CACNA1C: variants seen among roughly 807,000 people sequenced by gnomAD.
The protein encoded by CACNA1C is calcium voltage-gated channel subunit alpha1 C, also known as voltage-dependent L-type calcium channel subunit alpha-1C.
A neutral mutation model predicts 229.0 loss-of-function variants in CACNA1C; 30 were observed. That is an observed-to-expected ratio of 0.13 (90% CI 0.10 to 0.18). CACNA1C has a LOEUF of 0.18. Ranked by LOEUF, CACNA1C falls within the 10% of genes least tolerant of loss-of-function variation. The pLI is 1.00. For missense variants in CACNA1C, 1,658 were observed against 2,845.0 expected (o/e 0.58, Z 9.49); for synonymous variants, 1,114 against 1,132.5 (o/e 0.98, Z 0.33).
In CACNA1C at chr12:2,504,310, G is replaced by A; in HGVS notation, c.1114-532G>A. 1 of 651,000 alleles carries A rather than the reference G, an allele frequency of 1.5e-6. No individual in the cohort carries two copies. Among genetic ancestry groups the A allele is most frequent in the South Asian group, 1.9e-5 (1 of 53,480 alleles). 40.3% of individuals were successfully genotyped at this position (651,000 alleles called of 1,614,324 possible). A position where few individuals can be genotyped will look rare whatever the true frequency, so the allele number is the denominator to read the frequency against. ...TGCCCTGGGTAACACGGGTAACCTG[G>A]TGCACATGAACAAAGCCCACGTTCA... On this transcript the variant is annotated intron_variant, in intron 7 of 46. Transcript: ENST00000399655. The surrounding 1 kb of genome is among the most constrained non-coding windows in gnomAD (Gnocchi z 6.8).
intron 1 of CACNA1C, among the ~76,000 whole-genome samples, chr12:2,013,782 T>C (rs2044842410): frequency 6.6e-6 from 1 of 152,236 alleles, no homozygotes; most frequent in African/African-American, 2.4e-5. Flanking sequence ...GTTTTTCTTA[T>C]CTCTAATAAG....
intron 3 of CACNA1C, among the ~76,000 whole-genome samples, chr12:2,173,087 G>C (rs1303495640): frequency 3.3e-5 from 5 of 152,236 alleles, no homozygotes; most frequent in Admixed American, 3.3e-4. Context: ...TCTTACTTAA[G>C]AGTGACAAAG....
chr12:2,419,072 G>T (rs550497309), intron 3 of CACNA1C, among the ~76,000 whole-genome samples: 1 of 152,182 alleles, frequency 6.6e-6, no homozygotes, highest in African/African-American at 2.4e-5. Context: ...GAGGCCCTCC[G>T]GGGCATAACG....
intron 9 of CACNA1C, among the ~76,000 whole-genome samples, chr12:2,521,762 G>T (rs569032118): frequency 6.6e-6 from 1 of 151,942 alleles, no homozygotes; most frequent in Non-Finnish European, 1.5e-5. Context: ...ACCTCTCTCC[G>T]CCTGGACTCG....
rs948181695 is a variant in CACNA1C at position 2,095,646 on chromosome 12, G to T, written c.50-19578G>T. Among the ~76,000 whole-genome samples the T allele has an allele frequency of 1.1e-4, 16 of 152,148 alleles. 2 individuals are homozygous for T. The highest frequency in any genetic ancestry group is 7.9e-4 in the Admixed American group (12 of 15,280). On this transcript the variant is annotated intron_variant, in intron 1 of 46. Coordinates refer to ENST00000399655, the MANE Select transcript of CACNA1C (RefSeq NM_000719.7). ...ACCCTGGAGGAGAAGGGCTAGGCAG[G>T]GTCGGATACCACTGGCTCCAGAGAG...
intron 3 of CACNA1C, among the ~76,000 whole-genome samples, chr12:2,200,782 G>A (rs780957386): frequency 9.9e-5 from 15 of 152,150 alleles, no homozygotes; most frequent in Non-Finnish European, 2.1e-4. Context: ...CATATGAGCT[G>A]GGACCCCTCC....
At chr12:2,522,079 C>T (rs577691233) in intron 9 of CACNA1C, among the ~76,000 whole-genome samples, 6 of 152,326 alleles carry the variant, frequency 3.9e-5, no homozygotes, top group African/African-American at 1.4e-4. Flanking sequence ...CCTCTGCCTA[C>T]AGCACCTGTT....
At chr12:2,271,208 T>C (rs1163835034) in intron 3 of CACNA1C, among the ~76,000 whole-genome samples, 1 of 152,156 alleles carries the variant, frequency 6.6e-6, no homozygotes, top group African/African-American at 2.4e-5. Flanking sequence ...CCAGGGCCAA[T>C]TTGGGTGAAA....
At chr12:2,598,280 T>C (rs1173322416) in intron 21 of CACNA1C, among the ~76,000 whole-genome samples, 2 of 152,152 alleles carry the variant, frequency 1.3e-5, no homozygotes, top group African/African-American at 4.8e-5. Flanking sequence ...CCCAGCTCAG[T>C]TCTGCTAAGG....
intron 29 of CACNA1C, among the ~76,000 whole-genome samples, chr12:2,616,003 C>T (rs2153474229): frequency 6.6e-6 from 1 of 152,300 alleles, no homozygotes; most frequent in South Asian, 2.1e-4. Flanking sequence ...CACCTCTGCC[C>T]CTCAGCTGAA....
At chr12:2,343,927 G>A (rs1352716229) in intron 3 of CACNA1C, among the ~76,000 whole-genome samples, 1 of 152,166 alleles carries the variant, frequency 6.6e-6, no homozygotes, top group East Asian at 1.9e-4. Context: ...CTGCAACAAT[G>A]TTTCATCTCC....
At chr12:1,981,846 A>C (rs35619203) in intron 1 of CACNA1C, among the ~76,000 whole-genome samples, 18,829 of 152,242 alleles carry the variant, frequency 0.12, 1,438 homozygotes, top group Admixed American at 0.19. Context: ...GAGATTGGTC[A>C]GAATGAGGGA....
intron 5 of CACNA1C, among the ~76,000 whole-genome samples, chr12:2,465,206 G>A (rs2099542637): frequency 6.6e-6 from 1 of 152,076 alleles, no homozygotes. Context: ...TGAAATAGAG[G>A]ACAAGATCAT....
intron 9 of CACNA1C, among the ~76,000 whole-genome samples, chr12:2,516,442 T>C (rs573678492): frequency 1.2e-4 from 18 of 152,254 alleles, no homozygotes; most frequent in African/African-American, 3.6e-4. Flanking sequence ...CAGACACTTA[T>C]CAGGATCCGT....
In CACNA1C at chr12:2,678,310, C is replaced by T. The variant is rs1004513926; in HGVS notation, c.5091+443C>T. Among the ~76,000 whole-genome samples the T allele has an allele frequency of 3.9e-5, 6 of 152,156 alleles. No homozygotes were observed. Among genetic ancestry groups the T allele is most frequent in the Non-Finnish European group, 7.4e-5 (5 of 68,010 alleles). ...GCATTCCCACAGGGCAGCAGAGGGC[C>T]GGAGCCTAGAGGCGGTGGCCCTTTG... On this transcript the variant is annotated intron_variant, in intron 41 of 46. Transcript: ENST00000399655. This position sits in a 1 kb window ranked among gnomAD's most constrained non-coding sequence, Gnocchi z 4.1.
chr12:2,303,725 A>G (rs566094298), intron 3 of CACNA1C, among the ~76,000 whole-genome samples: 1 of 152,332 alleles, frequency 6.6e-6, no homozygotes, highest in South Asian at 2.1e-4. Flanking sequence ...CTGAATGTCC[A>G]TGCTTCTGTC....
At chr12:1,994,184 A>T (rs2040231693) in intron 1 of CACNA1C, among the ~76,000 whole-genome samples, 1 of 152,246 alleles carries the variant, frequency 6.6e-6, no homozygotes, top group African/African-American at 2.4e-5. Flanking sequence ...TGACAGCCAT[A>T]TAGTAATTCA....
intron 3 of CACNA1C, among the ~76,000 whole-genome samples, chr12:2,163,685 C>G (rs929342179): frequency 2.0e-5 from 3 of 152,158 alleles, no homozygotes; most frequent in African/African-American, 7.2e-5. Context: ...ATGGCTGAGT[C>G]AGGCCCTCCT....
At chr12:2,015,844 C>T (rs2045274309) in intron 1 of CACNA1C, among the ~76,000 whole-genome samples, 1 of 152,190 alleles carries the variant, frequency 6.6e-6, no homozygotes, top group African/African-American at 2.4e-5. Flanking sequence ...CCTCAGCTTC[C>T]TTCTCAATAA....
Sources: allele counts gnomAD v4.1 joint callset (sites outside exome capture counted in the v4.1 genomes callset), GRCh38; gene constraint gnomAD v4.1.1; non-coding constraint Gnocchi (gnomAD v3.1); transcripts MANE v1.5; gene names NCBI Gene and HGNC (gene_info 2026-07-23, HGNC 2026-07-21).